The following COG1 variants were observed in gnomAD, a reference collection of about 807,000 sequenced individuals.
The protein encoded by COG1 is component of oligomeric golgi complex 1.
COG1 carries 61 observed loss-of-function variants against 102.2 expected under a neutral mutation model. The observed-to-expected ratio is 0.60, with a 90% confidence interval of 0.49 to 0.74. The LOEUF (loss-of-function observed/expected upper bound fraction) is 0.74. Ranked by LOEUF, COG1 falls within the 30% of genes least tolerant of loss-of-function variation. COG1 has a pLI of 0.00. For missense variants in COG1, 1,164 were observed against 1,232.1 expected, an observed-to-expected ratio of 0.94 and a Z score of 0.83; for synonymous variants, 454 against 493.6, an observed-to-expected ratio of 0.92 and a Z score of 1.06.
At chr17:73,206,629 GTGACTAACCTTTTTTTTTTTTTT>G in intron 11 of COG1, 56 bp from the exon 12 acceptor site, 1 of 917,314 alleles carries the variant, frequency 1.1e-6, no homozygotes, top group Non-Finnish European at 1.8e-6. Context: ...GTAGCGATGG[GTGACTAACCTTTTTTTTTTTTTT>G]TTTGCCTTTC....
chr17:73,202,858 A>G lies in COG1; in HGVS notation c.2074-142A>G, dbSNP rs546256592. On this transcript the variant is annotated intron_variant, in intron 7 of 13. Transcript: ENST00000299886. The stretch of plus-strand genomic sequence containing the variant: ...AATTCCCATGGCTGATATCATTGAT[A>G]ATTAGCCAAAAGAGGACTGATACCA... The G allele has an allele frequency of 2.2e-4, 194 of 876,362 alleles. No individual in the cohort carries two copies. The South Asian group carries it at 2.4e-3, about 11-fold the overall frequency. 54.3% of individuals were successfully genotyped at this position (876,362 alleles called of 1,614,324 possible).
At chr17:73,203,247 G>A (rs1568297597) in intron 8 of COG1, 101 bp downstream of exon 8, 2 of 1,433,570 alleles carry the variant, frequency 1.4e-6, no homozygotes, top group South Asian at 2.4e-5. Context: ...AGGAATAGCT[G>A]AAAGTAACAT....
intron 8 of COG1, 171 bp from the exon 9 acceptor site, chr17:73,203,461 T>C (rs2061355219): frequency 7.3e-6 from 6 of 820,660 alleles, no homozygotes; most frequent in Admixed American, 6.5e-5. Flanking sequence ...TAACAGCAAA[T>C]TGCACTTAAC....
chr17:73,193,249 C>G lies in COG1; in HGVS notation c.180C>G (p.Ile60Met), dbSNP rs371329302. 7.5e-6 allele frequency: 12 copies of G among 1,607,722 alleles called. No individual in the cohort carries two copies. In the African/African-American group the frequency reaches 9.4e-5, roughly 13 times the overall value. Residue 60 changes from isoleucine (I) to methionine (M), a missense_variant, in exon 1 of 14, where the codon ATC (isoleucine) becomes ATG (methionine). Ile to Met is a conservative substitution (Grantham distance 10). Transcript: ENST00000299886. The stretch of plus-strand genomic sequence containing the variant: ...TGGGCGAACGGTACCGCGACCTGAT[C>G]GAGGCGGCCGACACCATCGGCCAGA... ...QMVGERYRDL[I>M]EAADTIGQMR...
In COG1 at chr17:73,206,896, C is replaced by T. The variant is rs1239169888; in HGVS notation, c.2729+79C>T. 6.4e-5 allele frequency: 66 copies of T among 1,030,532 alleles called. No individual in the cohort carries two copies. In the East Asian group the frequency reaches 1.5e-3, roughly 24 times the overall value. 63.8% of individuals were successfully genotyped at this position (1,030,532 alleles called of 1,614,324 possible). A position where few individuals can be genotyped will look rare whatever the true frequency, so the allele number is the denominator to read the frequency against. On this transcript the variant is annotated intron_variant, in intron 12 of 13. Transcript: ENST00000299886. ...GATCACGTCAGGAGATCGAGACCAT[C>T]CTGGCTAACATGGTGAAACCCTGTC...
chr17:73,199,144 A>G (rs2061336442), intron 4 of COG1, among the ~76,000 whole-genome samples: 1 of 152,324 alleles, frequency 6.6e-6, no homozygotes, highest in South Asian at 2.1e-4. Context: ...GGGGCCTCCC[A>G]GAGTTGCGCA....
chr17:73,201,266 C>G lies in COG1; in HGVS notation c.1439C>G (p.Pro480Arg). ...TCGCTCTTCCTCTGGTCTGAGAGTC[C>G]TAATGACCTGCCTTCCGATGCGGCC... ...NMSLFLWSESPNDLPSDAAWV... is the reference protein window; with the variant it reads ...NMSLFLWSESRNDLPSDAAWV... Residue 480 changes from proline (P) to arginine (R), a missense_variant, in exon 7 of 14, where the codon CCT becomes CGT. By Grantham distance (103) the Pro-to-Arg change is moderately radical. Coordinates refer to ENST00000299886, the MANE Select transcript of COG1 (RefSeq NM_018714.3). The G allele has an allele frequency of 6.2e-7, 1 of 1,614,240 alleles. No homozygotes were observed. Among genetic ancestry groups the G allele is most frequent in the Non-Finnish European group, 8.5e-7 (1 of 1,180,046 alleles).
chr17:73,206,149 C>G lies in COG1; in HGVS notation c.2511-5C>G, dbSNP rs201123101. The G allele has an allele frequency of 1.1e-4, 175 of 1,608,020 alleles. 2 individuals are homozygous for G. The highest frequency in any genetic ancestry group is 2.3e-4 in the South Asian group (21 of 90,944). Reference sequence around the variant, plus strand: ...GGACAGTAATGATCCTAATCCTTTTCTCAGAATTGAGAAAGTGACTGACCA... The same window carrying G: ...GGACAGTAATGATCCTAATCCTTTTGTCAGAATTGAGAAAGTGACTGACCA... On this transcript the variant is annotated splice_region_variant and splice_polypyrimidine_tract_variant and intron_variant, in intron 10 of 13. Transcript: ENST00000299886.
intron 13 of COG1, chr17:73,207,664 A>T: frequency 7.7e-7 from 1 of 1,295,180 alleles, no homozygotes; most frequent in Non-Finnish European, 1.0e-6. Flanking sequence ...TTTCCCCAAA[A>T]GTTTGACATT....
At position 73,208,454 on chromosome 17, in the gene COG1, T is replaced by TG. The variant is rs762866590; in HGVS notation, c.*5dup. ...GGCTCTCTAGTATGACTAAGTAACA[T>TG]GGCAACACATCTGTCTCTCCCTAAA... On this transcript the variant is annotated 3_prime_UTR_variant, in exon 14 of 14. Coordinates refer to ENST00000299886, the MANE Select transcript of COG1 (RefSeq NM_018714.3). The TG allele has an allele frequency of 5.6e-6, 9 of 1,614,016 alleles. No homozygotes were observed. The highest frequency in any genetic ancestry group is 5.5e-5 in the South Asian group (5 of 91,088).
intron 13 of COG1, 184 bp downstream of exon 13, chr17:73,207,440 A>G: frequency 4.1e-6 from 3 of 724,262 alleles, no homozygotes; most frequent in Non-Finnish European, 7.3e-6. Context: ...TAGAAGGTGT[A>G]AAAGATGCCC....
At chr17:73,196,854 C>A in intron 2 of COG1, 46 bp from the exon 3 acceptor site, 1 of 1,613,692 alleles carries the variant, frequency 6.2e-7, no homozygotes, top group Non-Finnish European at 8.5e-7. Flanking sequence ...GCTCTTTACC[C>A]AAGATGTGAA....
chr17:73,193,111 T>A lies in COG1; in HGVS notation c.42T>A (p.Asp14Glu), dbSNP rs1348653630. ...CCTCACCCGCGCTGAAGCGGCTGGA[T>A]CTGCGCGACCCTGCGGCTCTTTTCG... ...AATSPALKRL[D>E]LRDPAALFET... Residue 14 changes from aspartate (D) to glutamate (E), a missense_variant, in exon 1 of 14, where the codon GAT becomes GAA. Transcript: ENST00000299886. 1 of 1,611,348 alleles carries A rather than the reference T, an allele frequency of 6.2e-7. No individual in the cohort carries two copies. The highest frequency in any genetic ancestry group is 8.5e-7 in the Non-Finnish European group (1 of 1,179,544).
At position 73,208,392 on chromosome 17, in the gene COG1, G is replaced by A. The variant is rs771480719; in HGVS notation, c.2884G>A (p.Asp962Asn). 6.2e-7 allele frequency: 1 copy of A among 1,614,124 alleles called. No individual in the cohort carries two copies. Among genetic ancestry groups the A allele is most frequent in the Non-Finnish European group, 8.5e-7 (1 of 1,179,974 alleles). ...GTTCAGACAGCTTGTCAGTGAAGAA[G>A]ACAACACGTCTGCACCTTCATTATT... ...SLFRQLVSEEDNTSAPSLFKL... is the reference protein window; with the variant it reads ...SLFRQLVSEENNTSAPSLFKL... The change falls in exon 14 of 14, where the codon GAC (aspartate) becomes AAC (asparagine). Residue 962 changes from aspartate to asparagine, a missense_variant. By Grantham distance (23) the Asp-to-Asn change is conservative. Coordinates refer to ENST00000299886, the MANE Select transcript of COG1 (RefSeq NM_018714.3).
intron 7 of COG1, among the ~76,000 whole-genome samples, 153 bp downstream of exon 7, chr17:73,202,053 T>C (rs2061349225): frequency 6.6e-6 from 1 of 152,188 alleles, no homozygotes; most frequent in Non-Finnish European, 1.5e-5. Flanking sequence ...TAAAAACTTT[T>C]TTGGCCGGGC....
At position 73,205,825 on chromosome 17, in the gene COG1, G is replaced by C. The variant is rs1469791757; in HGVS notation, c.2510+145G>C. 3 of 1,045,092 alleles carry C rather than the reference G, an allele frequency of 2.9e-6. No individual in the cohort carries two copies. The African/African-American group carries it at 4.7e-5, about 16-fold the overall frequency. The allele number at this position is 1,045,092 out of a possible 1,614,324, so 64.7% of individuals were successfully genotyped here. A position where few individuals can be genotyped will look rare whatever the true frequency, so the allele number is the denominator to read the frequency against. On this transcript the variant is annotated intron_variant, in intron 10 of 13. Coordinates refer to ENST00000299886, the MANE Select transcript of COG1 (RefSeq NM_018714.3). ...CAGTAAGTGCTCATATTGCCAGCAA[G>C]TTAAATAATGGCCGCCTGCTGGATA...
chr17:73,196,974 T>C lies in COG1; in HGVS notation c.635T>C (p.Leu212Pro). The change falls in exon 3 of 14, where the codon CTG becomes CCG. Residue 212 changes from leucine (L) to proline (P), a missense_variant. Transcript: ENST00000299886. ...TCTGACCAAGCTGTGGCCGAGGCCC[T>C]GTGCTCTATAATGCTCTTAGAAGAG... ...GVSDQAVAEA[L>P]CSIMLLEESS... The C allele has an allele frequency of 1.9e-6, 3 of 1,614,238 alleles. No homozygotes were observed. The highest frequency in any genetic ancestry group is 1.7e-6 in the Non-Finnish European group (2 of 1,180,034).
rs556313083 is a variant in COG1, at chr17:73,206,285, T to C, written c.2619+23T>C. On this transcript the variant is annotated intron_variant, in intron 11 of 13. Transcript: ENST00000299886. ...TCTGTGAGTCAAATCAAAAACATGC[T>C]TAGTGCGAACGAAGCGATACAGGCT... 1.3e-5 allele frequency: 21 copies of C among 1,580,226 alleles called. No homozygotes were observed. In the South Asian group the frequency reaches 2.3e-4, roughly 17 times the overall value.
chr17:73,203,137 C>T lies in COG1; in HGVS notation c.2211C>T (p.Leu737=). The change falls in exon 8 of 14, where the codon CTC becomes CTT. Residue 737 remains leucine (L), a synonymous_variant. Transcript: ENST00000299886. ...GCAGTGTCACATCCAAGATCCGACT[C>T]CCTGCACAGGTGAGCAGGGACCATG... The part of the protein sequence containing the change: ...SGSSVTSKIR[L]PAQPSWYVQS... 6.2e-7 allele frequency: 1 copy of T among 1,614,136 alleles called. No individual in the cohort carries two copies. The highest frequency in any genetic ancestry group is 8.5e-7 in the Non-Finnish European group (1 of 1,180,022).
Sources: gnomAD v4.1 joint callset for allele counts (sites outside exome capture counted in the v4.1 genomes callset) on GRCh38, gnomAD v4.1.1 for gene constraint, MANE v1.5 for transcripts, NCBI Gene and HGNC (gene_info 2026-07-23, HGNC 2026-07-21) for gene names.